Variants in LHCGR observed in about 807,000 individuals in gnomAD.
LHCGR encodes the protein luteinizing hormone/choriogonadotropin receptor, also known as lutropin-choriogonadotropic hormone receptor.
LHCGR carries 55 observed loss-of-function variants against 60.7 expected under a neutral mutation model. The ratio of observed to expected loss-of-function variants is 0.91; its 90% CI spans 0.73 to 1.13. The LOEUF is 1.13. Among genes scored for constraint, LHCGR ranks in the 50% most tolerant of loss-of-function variants. LHCGR has a pLI of 0.00. For synonymous variants in LHCGR, 337 were observed against 316.5 expected (o/e 1.06, Z -0.69); for missense variants, 862 against 836.0 (o/e 1.03, Z -0.38).
intron 9 of LHCGR, among the ~76,000 whole-genome samples, chr2:48,694,957 C>G (rs1228403040): frequency 1.3e-5 from 2 of 151,992 alleles, no homozygotes; most frequent in Non-Finnish European, 2.9e-5. Context: ...AGGGTATAAG[C>G]ATTCCCTTTT....
intron 1 of LHCGR, among the ~76,000 whole-genome samples, chr2:48,750,498 T>A (rs1166061173): frequency 6.6e-6 from 1 of 152,244 alleles, no homozygotes; most frequent in African/African-American, 2.4e-5. Context: ...AATTCTGTTA[T>A]AGGACCTGGA....
At chr2:48,712,070 T>G (rs1337760486) in intron 7 of LHCGR, among the ~76,000 whole-genome samples, 1 of 151,956 alleles carries the variant, frequency 6.6e-6, no homozygotes, top group Non-Finnish European at 1.5e-5. Context: ...CTGGCTGTCC[T>G]CTGCTTGGAA....
intron 1 of LHCGR, 97 bp downstream of exon 1, chr2:48,755,414 C>T (rs1670161888): frequency 2.5e-6 from 2 of 794,558 alleles, no homozygotes; most frequent in African/African-American, 1.8e-5. Flanking sequence ...TCCAAGCTTC[C>T]AGGGAAAGGG....
intron 1 of LHCGR, among the ~76,000 whole-genome samples, chr2:48,752,553 A>G (rs563711668): frequency 2.0e-5 from 3 of 148,452 alleles, no homozygotes; most frequent in South Asian, 2.1e-4. Flanking sequence ...TTATGAACTG[A>G]TAACTTGCCA....
At chr2:48,708,152 G>T (rs74555260) in intron 8 of LHCGR, among the ~76,000 whole-genome samples, 1 of 152,096 alleles carries the variant, frequency 6.6e-6, no homozygotes, top group South Asian at 2.1e-4. Context: ...CTATTCGGCC[G>T]TCTTGGAAAC....
At position 48,687,560 on chromosome 2, in the gene LHCGR, G is replaced by A; in HGVS notation, c.*137C>T. On this transcript the variant is annotated 3_prime_UTR_variant, in exon 11 of 11. Transcript: ENST00000294954. The stretch of plus-strand genomic sequence containing the variant: ...TGGTCATAGACTACACTTTCTACTA[G>A]GTAGAGGTCTCTTGCCTAATGTACC... The A allele has an allele frequency of 2.9e-6, 2 of 690,006 alleles. No homozygotes were observed. 42.7% of individuals were successfully genotyped at this position (690,006 alleles called of 1,614,324 possible).
chr2:48,721,887 C>T (rs959306614), intron 6 of LHCGR: 3 of 426,126 alleles, frequency 7.0e-6, no homozygotes, highest in Non-Finnish European at 1.4e-5. Context: ...GGTGGTGACT[C>T]ATGCCTGTTT....
intron 1 of LHCGR, among the ~76,000 whole-genome samples, chr2:48,747,689 A>G (rs1394337054): frequency 6.6e-6 from 1 of 152,176 alleles, no homozygotes; most frequent in Admixed American, 6.5e-5. Flanking sequence ...AAGCTCCCTG[A>G]GCAGCTTTTG....
chr2:48,754,594 C>T (rs1343056744), intron 1 of LHCGR, among the ~76,000 whole-genome samples: 2 of 151,944 alleles, frequency 1.3e-5, no homozygotes, highest in South Asian at 2.1e-4. Context: ...AAAATTTCAC[C>T]ACCCCCCCGC....
intron 8 of LHCGR, among the ~76,000 whole-genome samples, chr2:48,700,691 C>A (rs78578640): frequency 6.6e-6 from 1 of 152,296 alleles, no homozygotes; most frequent in East Asian, 1.9e-4. Flanking sequence ...AGCCAACTTA[C>A]AAGATTCGGA....
At chr2:48,708,003 C>T (rs1160425217) in intron 8 of LHCGR, among the ~76,000 whole-genome samples, 1 of 152,206 alleles carries the variant, frequency 6.6e-6, no homozygotes, top group Admixed American at 6.5e-5. Context: ...ACGCCCTGCC[C>T]TGCTTCAGCT....
intron 6 of LHCGR, among the ~76,000 whole-genome samples, chr2:48,716,751 C>T (rs993772442): frequency 3.9e-5 from 6 of 152,116 alleles, no homozygotes; most frequent in Non-Finnish European, 5.9e-5. Flanking sequence ...GGGTTGAATT[C>T]CTTTATAGCA....
chr2:48,753,599 A>T (rs773091424), intron 1 of LHCGR, among the ~76,000 whole-genome samples: 3 of 152,204 alleles, frequency 2.0e-5, no homozygotes, highest in African/African-American at 4.8e-5. Flanking sequence ...CCCTGCTGAA[A>T]GGCAGCAGGA....
intron 9 of LHCGR, among the ~76,000 whole-genome samples, chr2:48,695,218 G>T (rs1667057297): frequency 6.6e-6 from 1 of 152,078 alleles, no homozygotes; most frequent in South Asian, 2.1e-4. Flanking sequence ...CATAGTTTGT[G>T]AATATTGTTT....
At chr2:48,722,657 T>G (rs1668553852) in intron 6 of LHCGR, among the ~76,000 whole-genome samples, 1 of 152,212 alleles carries the variant, frequency 6.6e-6, no homozygotes, top group Non-Finnish European at 1.5e-5. Flanking sequence ...TCCATCAGTA[T>G]TGTAAGTTTC....
chr2:48,707,246 T>C (rs983967071), intron 8 of LHCGR, among the ~76,000 whole-genome samples: 3 of 152,252 alleles, frequency 2.0e-5, no homozygotes, highest in Non-Finnish European at 2.9e-5. Context: ...CAAGTATTGC[T>C]GACTGATCCT....
chr2:48,714,089 G>C, intron 6 of LHCGR, 35 bp from the exon 7 acceptor site: 1 of 1,426,510 alleles, frequency 7.0e-7, no homozygotes, highest in Non-Finnish European at 9.9e-7. Context: ...GGAATGGGAA[G>C]AAACTGAAAG....
At chr2:48,738,680 G>A (rs947406486) in intron 1 of LHCGR, among the ~76,000 whole-genome samples, 1 of 152,076 alleles carries the variant, frequency 6.6e-6, no homozygotes, top group African/African-American at 2.4e-5. Context: ...GTGGCCACTG[G>A]GCAGTTGAAA....
chr2:48,714,275 C>G (rs549304950), intron 6 of LHCGR, among the ~76,000 whole-genome samples: 2 of 152,308 alleles, frequency 1.3e-5, no homozygotes, highest in South Asian at 2.1e-4. Context: ...TCCTCATCAT[C>G]ATTTCCATTA....
Sources: gnomAD v4.1 joint callset for allele counts (sites outside exome capture counted in the v4.1 genomes callset) on GRCh38, gnomAD v4.1.1 for gene constraint, MANE v1.5 for transcripts, NCBI Gene and HGNC (gene_info 2026-07-23, HGNC 2026-07-21) for gene names.